The following PI4KA variants were observed in gnomAD, a reference collection of about 807,000 sequenced individuals.
PI4KA encodes the protein PI4-kinase alpha.
PI4KA carries 122 observed loss-of-function variants against 271.4 expected under a neutral mutation model. The ratio of observed to expected loss-of-function variants is 0.45; its 90% confidence interval spans 0.39 to 0.52. The LOEUF (loss-of-function observed/expected upper bound fraction) is 0.52, where lower values mean the gene tolerates loss of function less well. Ranked by LOEUF, PI4KA falls within the 20% of genes least tolerant of loss-of-function variation. PI4KA has a pLI of 0.00. For synonymous variants in PI4KA, 1,041 were observed against 1,078.8 expected (o/e 0.96, Z 0.69); for missense variants, 1,969 against 2,769.1 (o/e 0.71, Z 6.48).
chr22:20,855,320 G>A (rs1160670307), intron 1 of PI4KA, among the ~76,000 whole-genome samples: 1 of 151,918 alleles, frequency 6.6e-6, no homozygotes, highest in Non-Finnish European at 1.5e-5. Flanking sequence ...ACAACATGCA[G>A]GTTTGTTACA....
chr22:20,764,768 C>G, intron 22 of PI4KA, 49 bp downstream of exon 22: 1 of 1,531,414 alleles, frequency 6.5e-7, no homozygotes, highest in Non-Finnish European at 8.8e-7. Flanking sequence ...AAATGAAAAC[C>G]CTGCTCAAAT....
chr22:20,759,542 T>A (rs772286536), intron 23 of PI4KA, among the ~76,000 whole-genome samples: 4 of 151,570 alleles, frequency 2.6e-5, no homozygotes, highest in African/African-American at 4.8e-5. Flanking sequence ...CAGCTGGGAC[T>A]ACAGGCGTGC....
At chr22:20,759,121 C>T (rs1931661973) in intron 23 of PI4KA, among the ~76,000 whole-genome samples, 3 of 152,152 alleles carry the variant, frequency 2.0e-5, no homozygotes, top group African/African-American at 2.4e-5. Flanking sequence ...GCGATCCTGG[C>T]TCACTTCAAC....
rs758217574 is a variant in PI4KA at position 20,819,849 on chromosome 22, A to T, written c.581T>A (p.Phe194Tyr). The change falls in exon 6 of 55, where the codon TTT becomes TAT. Residue 194 changes from phenylalanine (F) to tyrosine (Y), a missense_variant. By Grantham distance (22) the Phe-to-Tyr change is conservative (BLOSUM62 3). Transcript: ENST00000255882. ...IPCLIGISRA[F>Y]GRYSNMEESL... ...CTCTTCCATGTTGCTGTAACGCCCA[A>T]ATGCTCGCGAGATTCCTATCAGGCA... 1.2e-5 allele frequency: 20 copies of T among 1,613,878 alleles called. No homozygotes were observed. Among genetic ancestry groups the T allele is most frequent in the Non-Finnish European group, 1.7e-5 (20 of 1,179,848 alleles).
chr22:20,826,308 A>C (rs190754497), intron 3 of PI4KA, among the ~76,000 whole-genome samples: 1 of 152,268 alleles, frequency 6.6e-6, no homozygotes, highest in East Asian at 1.9e-4. Flanking sequence ...GCACCACTGC[A>C]CTCCAAGCTG....
chr22:20,817,533 C>T (rs138915766), intron 7 of PI4KA, among the ~76,000 whole-genome samples: 31 of 151,392 alleles, frequency 2.0e-4, no homozygotes, highest in African/African-American at 6.8e-4. Flanking sequence ...CTAGGAGTTC[C>T]GGACCAGCCT....
rs185177988 is a variant in PI4KA at position 20,794,609 on chromosome 22, G to C, written c.2278-1366C>G. 2.6e-3 allele frequency among the ~76,000 whole-genome samples: 401 copies of C among 152,264 alleles called. 1 individual carries two copies. Among genetic ancestry groups the C allele is most frequent in the African/African-American group, 8.7e-3 (361 of 41,558 alleles). ...CTCTCTTGGCTGAGACTTTCACAGGGGGACTCCTTCATGCAGTTGTCATCT... is the reference window on the plus strand; with the variant it reads ...CTCTCTTGGCTGAGACTTTCACAGGCGGACTCCTTCATGCAGTTGTCATCT... On this transcript the variant is annotated intron_variant, in intron 18 of 54. Transcript: ENST00000255882.
chr22:20,780,323 T>C, intron 19 of PI4KA: 2 of 1,473,880 alleles, frequency 1.4e-6, no homozygotes, highest in East Asian at 2.3e-5. Context: ...AGACACAAGA[T>C]TGACTCTGGA....
intron 23 of PI4KA, 64 bp downstream of exon 23, chr22:20,761,240 T>C (rs1196708144): frequency 1.1e-6 from 1 of 871,312 alleles, no homozygotes; most frequent in Non-Finnish European, 2.0e-6. Flanking sequence ...AAAGAGGAAG[T>C]AGTACGCCTT....
At chr22:20,820,632 A>G (rs1321303397) in intron 4 of PI4KA, 21 bp from the exon 5 acceptor site, 2 of 1,536,496 alleles carry the variant, frequency 1.3e-6, no homozygotes, top group Non-Finnish European at 1.8e-6. Flanking sequence ...CAAGGAAACA[A>G]GAAAAAAAAA....
chr22:20,730,114 G>T, intron 36 of PI4KA, 103 bp from the exon 37 acceptor site: 1 of 1,347,402 alleles, frequency 7.4e-7, no homozygotes, highest in Non-Finnish European at 1.0e-6. Context: ...TAGTGGCAGA[G>T]CAGGCATTTT....
intron 19 of PI4KA, among the ~76,000 whole-genome samples, chr22:20,777,199 AGG>A: frequency 2.0e-5 from 3 of 151,594 alleles, no homozygotes; most frequent in Middle Eastern, 6.8e-3. Flanking sequence ...CCATCACACC[AGG>A]CTAATTATTT....
rs165601 is a variant in PI4KA, at chr22:20,848,240, A to T, written c.157-9509T>A. On this transcript the variant is annotated intron_variant, in intron 1 of 54. Transcript: ENST00000255882. The stretch of plus-strand genomic sequence containing the variant: ...GTGACAGAGCGAGACTCCATCTCAA[A>T]AAAAAAAAAAAAAAAAAAAAGGGAC... 6.4e-5 allele frequency among the ~76,000 whole-genome samples: 9 copies of T among 140,286 alleles called. No individual in the cohort carries two copies. The East Asian group carries it at 6.7e-4, about 10-fold the overall frequency. 92.0% of individuals were successfully genotyped at this position (140,286 alleles called of 152,430 possible).
At chr22:20,749,197 T>C (rs989750366) in intron 28 of PI4KA, among the ~76,000 whole-genome samples, 36 of 152,320 alleles carry the variant, frequency 2.4e-4, no homozygotes, top group African/African-American at 8.2e-4. Flanking sequence ...AGCTGGCTGC[T>C]CTATCCTTCC....
At chr22:20,739,469 G>GAAAAAA (rs5844434) in intron 32 of PI4KA, among the ~76,000 whole-genome samples, 1 of 130,552 alleles carries the variant, frequency 7.7e-6, no homozygotes, top group Admixed American at 7.9e-5. Context: ...CTGTCTTCAG[G>GAAAAAA]AAAAAAAAAA....
At chr22:20,783,163 G>T (rs1293016523) in intron 19 of PI4KA, among the ~76,000 whole-genome samples, 1 of 152,174 alleles carries the variant, frequency 6.6e-6, no homozygotes, top group East Asian at 1.9e-4. Context: ...TCACATCTTA[G>T]AGCTAACATA....
chr22:20,839,837 A>C (rs908491450), intron 1 of PI4KA, among the ~76,000 whole-genome samples: 8 of 152,236 alleles, frequency 5.3e-5, no homozygotes, highest in African/African-American at 1.9e-4. Flanking sequence ...GTCTCAAAAA[A>C]AAAAATCAAA....
At chr22:20,856,675 T>G (rs1927638299) in intron 1 of PI4KA, among the ~76,000 whole-genome samples, 1 of 152,126 alleles carries the variant, frequency 6.6e-6, no homozygotes, top group Non-Finnish European at 1.5e-5. Context: ...TCAAGTGATC[T>G]GCCTGTCTCA....
intron 8 of PI4KA, 31 bp downstream of exon 8, chr22:20,813,327 T>C (rs1921313911): frequency 6.4e-7 from 1 of 1,565,650 alleles, no homozygotes; most frequent in African/African-American, 1.4e-5. Context: ...GACATATCCA[T>C]GGTCTGTTCA....
Sources: gnomAD v4.1 joint callset for allele counts (sites outside exome capture counted in the v4.1 genomes callset) on GRCh38, gnomAD v4.1.1 for gene constraint, MANE v1.5 for transcripts, NCBI Gene and HGNC (gene_info 2026-07-23, HGNC 2026-07-21) for gene names.